Variants in CENPP observed in about 807,000 individuals in gnomAD.
The protein encoded by CENPP is centromere protein P.
Under a neutral mutation model 35.6 loss-of-function variants are expected in CENPP, and 24 were observed. The observed-to-expected ratio is 0.67, with a 90% CI of 0.49 to 0.95. The LOEUF (loss-of-function observed/expected upper bound fraction) is 0.95. CENPP is among the 40% of genes least tolerant of loss of function. The probability of loss-of-function intolerance (pLI) is 0.00; values close to 1 mark genes in which losing one functional copy is unlikely to be tolerated. For synonymous variants in CENPP, 120 were observed against 125.5 expected, an observed-to-expected ratio of 0.96 and a Z score of 0.29; for missense variants, 332 against 345.3, an observed-to-expected ratio of 0.96 and a Z score of 0.31.
chr9:92,492,994 G>A lies in CENPP; in HGVS notation c.564+113135G>A, dbSNP rs563559070. On this transcript the variant is annotated intron_variant, in intron 5 of 7. Coordinates refer to ENST00000375587, the MANE Select transcript of CENPP (RefSeq NM_001012267.3). ...GGGCTAATCTCACCCCACTGCACTG[G>A]TGCTCAGAAGGAAAAACAGGCAGCC... 8.5e-5 allele frequency among the ~76,000 whole-genome samples: 13 copies of A among 152,264 alleles called. No homozygotes were observed. In the South Asian group the frequency reaches 2.7e-3, roughly 32 times the overall value.
At chr9:92,433,176 G>C (rs12336415) in intron 5 of CENPP, among the ~76,000 whole-genome samples, 1 of 151,952 alleles carries the variant, frequency 6.6e-6, no homozygotes, top group Non-Finnish European at 1.5e-5. Context: ...CAAGGCACCA[G>C]CATTTGGCAA....
At chr9:92,482,910 C>CTT (rs879563479) in intron 5 of CENPP, among the ~76,000 whole-genome samples, 2 of 141,698 alleles carry the variant, frequency 1.4e-5, no homozygotes, top group Non-Finnish European at 3.1e-5. Flanking sequence ...CTTCTCCAGA[C>CTT]TTTTTTTTTT....
At chr9:92,491,447 G>A (rs1846169821) in intron 5 of CENPP, among the ~76,000 whole-genome samples, 1 of 152,180 alleles carries the variant, frequency 6.6e-6, no homozygotes, top group Admixed American at 6.5e-5. Context: ...TCCCTCCCTT[G>A]AAGTTGAGGA....
chr9:92,436,247 C>G (rs1284381142), intron 5 of CENPP, among the ~76,000 whole-genome samples: 2 of 152,154 alleles, frequency 1.3e-5, no homozygotes, highest in African/African-American at 4.8e-5. Flanking sequence ...CCTATTTTCC[C>G]ATTGAATTTT....
intron 5 of CENPP, among the ~76,000 whole-genome samples, chr9:92,553,720 C>T (rs1178780331): frequency 2.6e-5 from 4 of 152,166 alleles, no homozygotes; most frequent in South Asian, 4.2e-4. Context: ...TCCACCTGGT[C>T]CCTGTTAGTG....
At chr9:92,443,164 A>G (rs1844464630) in intron 5 of CENPP, among the ~76,000 whole-genome samples, 1 of 152,212 alleles carries the variant, frequency 6.6e-6, no homozygotes, top group African/African-American at 2.4e-5. Context: ...TGAAATCCCA[A>G]AAGAATATAC....
At chr9:92,516,962 T>C (rs1847765315) in intron 5 of CENPP, 3 of 152,294 alleles carry the variant, frequency 2.0e-5, no homozygotes, top group Non-Finnish European at 1.5e-5. Flanking sequence ...CAGCCAATTA[T>C]TTAACAAGTA....
intron 4 of CENPP, 114 bp downstream of exon 4, chr9:92,345,901 TAAC>T: frequency 1.6e-6 from 1 of 632,834 alleles, no homozygotes. Flanking sequence ...TCTGAAAGTA[TAAC>T]ACCACTGTTG....
intron 6 of CENPP, among the ~76,000 whole-genome samples, chr9:92,611,772 T>C (rs545017548): frequency 6.6e-6 from 1 of 152,310 alleles, no homozygotes; most frequent in South Asian, 2.1e-4. Flanking sequence ...CTTAGTGCCC[T>C]GATAGCACAG....
rs1197008171 is a variant in CENPP at position 92,326,043 on chromosome 9, C to T, written c.45C>T (p.Ile15=). ...LAEVRALQAE[I]AALRRACEDP... is the part of the protein sequence containing the mutation. ...AGGTGCGCGCCTTGCAAGCTGAGAT[C>T]GCGGCCCTGCGGCGAGCGTGTGAGG... is the stretch of plus-strand genomic sequence containing the variant. The change falls in exon 1 of 8, where the codon ATC becomes ATT. Residue 15 remains isoleucine, a synonymous_variant. Transcript: ENST00000375587. 2 of 1,562,542 alleles carry T rather than the reference C, an allele frequency of 1.3e-6. No individual in the cohort carries two copies. Among genetic ancestry groups the T allele is most frequent in the South Asian group, 1.2e-5 (1 of 84,734 alleles).
rs6151074 is a variant in CENPP, at chr9:92,416,058, G to GTGTA, written c.564+36200_564+36201insGTAT. Among the ~76,000 whole-genome samples, 679 of 130,882 alleles carry GTGTA rather than the reference G, an allele frequency of 5.2e-3. 3 individuals are homozygous for GTGTA. Among genetic ancestry groups the GTGTA allele is most frequent in the South Asian group, 0.015 (60 of 3,962 alleles). The allele number at this position is 130,882 out of a possible 152,430, so 85.9% of individuals were successfully genotyped here. The stretch of plus-strand genomic sequence containing the variant: ...ATAAATAAATATATTATATATGTGT[G>GTGTA]TATATATATATATTTATTTATTTAT... On this transcript the variant is annotated intron_variant, in intron 5 of 7. Transcript: ENST00000375587.
At chr9:92,523,007 T>C (rs1341654798) in intron 5 of CENPP, 2 of 992,416 alleles carry the variant, frequency 2.0e-6, no homozygotes, top group South Asian at 1.7e-5. Flanking sequence ...ATTACACTTA[T>C]GATATATGGA....
At chr9:92,428,190 A>G (rs896359376) in intron 5 of CENPP, among the ~76,000 whole-genome samples, 1 of 152,104 alleles carries the variant, frequency 6.6e-6, no homozygotes, top group Non-Finnish European at 1.5e-5. Flanking sequence ...GCCCATACTC[A>G]CAGGCTTTCT....
chr9:92,409,507 G>A lies in CENPP; in HGVS notation c.564+29648G>A, dbSNP rs550508031. 6.6e-5 allele frequency among the ~76,000 whole-genome samples: 10 copies of A among 152,306 alleles called. No individual in the cohort carries two copies. The East Asian group carries it at 1.9e-3, about 29-fold the overall frequency. ...TTTACTTTAGTGCTCCCAAGCTTGA[G>A]AAATCGAGTGAAAATGTGTAGTGTT... On this transcript the variant is annotated intron_variant, in intron 5 of 7. Transcript: ENST00000375587.
chr9:92,412,721 T>A (rs1230259445), intron 5 of CENPP, among the ~76,000 whole-genome samples: 1 of 152,214 alleles, frequency 6.6e-6, no homozygotes, highest in African/African-American at 2.4e-5. Context: ...AATATTCCAC[T>A]GTATGGATAT....
chr9:92,477,494 C>T (rs1301843344), intron 5 of CENPP, among the ~76,000 whole-genome samples: 1 of 152,178 alleles, frequency 6.6e-6, no homozygotes, highest in Non-Finnish European at 1.5e-5. Context: ...CATTACAGCT[C>T]TGTCTTCTAG....
At chr9:92,500,197 T>C (rs548733451) in intron 5 of CENPP, among the ~76,000 whole-genome samples, 3 of 152,328 alleles carry the variant, frequency 2.0e-5, no homozygotes, top group African/African-American at 7.2e-5. Flanking sequence ...TTAATCTTTT[T>C]TTTGAGATGG....
chr9:92,545,336 G>C (rs936789898), intron 5 of CENPP, among the ~76,000 whole-genome samples: 1 of 152,212 alleles, frequency 6.6e-6, no homozygotes, highest in African/African-American at 2.4e-5. Context: ...GTTCTGGGTG[G>C]GCGTGGGCTT....
chr9:92,362,819 A>C (rs1175813330), intron 4 of CENPP, among the ~76,000 whole-genome samples: 1 of 152,344 alleles, frequency 6.6e-6, no homozygotes, highest in East Asian at 1.9e-4. Context: ...TAAGAAATAG[A>C]TCACCATTCT....
Sources: allele counts gnomAD v4.1 joint callset (sites outside exome capture counted in the v4.1 genomes callset), GRCh38; gene constraint gnomAD v4.1.1; transcripts MANE v1.5; gene names NCBI Gene and HGNC (gene_info 2026-07-23, HGNC 2026-07-21).